PIK3R1: variants seen among roughly 807,000 people sequenced by gnomAD.
PIK3R1 encodes phosphoinositide-3-kinase regulatory subunit 1, also known as phosphatidylinositol 3-kinase regulatory subunit alpha.
In PIK3R1, 29 loss-of-function variants were observed where a neutral mutation model predicts 98.0. That is an observed-to-expected ratio of 0.30 (90% CI 0.22 to 0.40). The LOEUF (loss-of-function observed/expected upper bound fraction) is 0.40, where lower values mean the gene tolerates loss of function less well. Ranked by LOEUF, PIK3R1 falls within the 10% of genes least tolerant of loss-of-function variation. PIK3R1 has a pLI of 1.00. For missense variants in PIK3R1, 596 were observed against 872.7 expected, an observed-to-expected ratio of 0.68 and a Z score of 3.99; for synonymous variants, 282 against 311.8, an observed-to-expected ratio of 0.90 and a Z score of 1.01.
intron 2 of PIK3R1, among the ~76,000 whole-genome samples, chr5:68,251,771 T>C (rs1245306034): frequency 1.3e-5 from 2 of 152,202 alleles, no homozygotes; most frequent in African/African-American, 4.8e-5. Context: ...AATGTTTGTA[T>C]TTCCCCAAAG....
chr5:68,274,303 T>C (rs1424668599), intron 4 of PIK3R1, among the ~76,000 whole-genome samples: 1 of 152,180 alleles, frequency 6.6e-6, no homozygotes, highest in African/African-American at 2.4e-5. Flanking sequence ...CTCTTGGTGT[T>C]TCTCTCGCTC....
intron 7 of PIK3R1, among the ~76,000 whole-genome samples, chr5:68,281,411 A>T (rs989464543): frequency 2.6e-5 from 4 of 152,222 alleles, no homozygotes; most frequent in Non-Finnish European, 5.9e-5. Context: ...GGAAGTGGGT[A>T]TGCTGAGAAA....
intron 1 of PIK3R1, among the ~76,000 whole-genome samples, chr5:68,219,877 A>G (rs1744033684): frequency 6.6e-6 from 1 of 152,226 alleles, no homozygotes; most frequent in Non-Finnish European, 1.5e-5. Context: ...TTTACTAGCT[A>G]TGTAACTTTA....
intron 7 of PIK3R1, chr5:68,288,880 T>G: frequency 1.1e-6 from 1 of 906,580 alleles, no homozygotes; most frequent in Non-Finnish European, 1.8e-6. Flanking sequence ...GATGGGAGAT[T>G]AGGGGAGACA....
chr5:68,288,436 T>C (rs1464822258), intron 7 of PIK3R1: 5 of 1,259,552 alleles, frequency 4.0e-6, no homozygotes, highest in Non-Finnish European at 5.0e-6. Context: ...CGAAATCCAG[T>C]TGGCTTCTCA....
At chr5:68,225,737 C>T (rs1240026921) in intron 1 of PIK3R1, among the ~76,000 whole-genome samples, 5 of 152,318 alleles carry the variant, frequency 3.3e-5, no homozygotes, top group Middle Eastern at 3.4e-3. Context: ...ACACTGTGGG[C>T]TGAATTACTC....
intron 5 of PIK3R1, 26 bp downstream of exon 5, chr5:68,279,759 T>C (rs763408202): frequency 9.3e-6 from 15 of 1,609,708 alleles, no homozygotes; most frequent in Non-Finnish European, 1.3e-5. Flanking sequence ...TCTGGGAACC[T>C]CATTGAACAT....
At chr5:68,282,068 G>A (rs1746868086) in intron 7 of PIK3R1, among the ~76,000 whole-genome samples, 1 of 152,146 alleles carries the variant, frequency 6.6e-6, no homozygotes, top group African/African-American at 2.4e-5. Flanking sequence ...ATGTACCAAA[G>A]GTGAGAGAGA....
chr5:68,295,034 G>A, intron 12 of PIK3R1, 114 bp from the exon 13 acceptor site: 1 of 612,956 alleles, frequency 1.6e-6, no homozygotes. Flanking sequence ...AGGAAGAGAA[G>A]CCACGCTTTA....
chr5:68,249,557 G>A (rs1561270383), intron 2 of PIK3R1, among the ~76,000 whole-genome samples: 1 of 152,094 alleles, frequency 6.6e-6, no homozygotes, highest in African/African-American at 2.4e-5. Context: ...ATCATATTGG[G>A]CATTGGACTT....
chr5:68,235,262 G>T (rs1456822085), intron 2 of PIK3R1, among the ~76,000 whole-genome samples: 1 of 151,948 alleles, frequency 6.6e-6, no homozygotes, highest in African/African-American at 2.4e-5. Flanking sequence ...AATTAGCTGG[G>T]TGTGATGGTG....
At chr5:68,264,239 C>T (rs76907887) in intron 2 of PIK3R1, among the ~76,000 whole-genome samples, 1 of 152,184 alleles carries the variant, frequency 6.6e-6, no homozygotes, top group Admixed American at 6.5e-5. Context: ...GCCTGCCAGT[C>T]CAAGCTCAAG....
chr5:68,299,704 T>A lies in PIK3R1; in HGVS notation c.*2103T>A, dbSNP rs1747934231. ...CTAGGGTGAGGGTTTTCTGTTACTT[T>A]GTTTTTTAATGTTGTTCCTTTTGAA... On this transcript the variant is annotated 3_prime_UTR_variant, in exon 16 of 16. Transcript: ENST00000521381. The A allele has an allele frequency of 8.6e-6, 2 of 233,118 alleles. No homozygotes were observed. Among genetic ancestry groups the A allele is most frequent in the Admixed American group, 1.1e-4 (2 of 17,784 alleles). The allele number at this position is 233,118 out of a possible 1,614,324, so 14.4% of individuals were successfully genotyped here.
rs140618992 is a variant in PIK3R1 at position 68,218,509 on chromosome 5, G to A, written c.-387+2560G>A. Reference sequence around the variant, plus strand: ...ATTGTTCACATGATCATTAAAATAGGAACAATTCTAGTTCAGCTTTTATTG... The same window carrying A: ...ATTGTTCACATGATCATTAAAATAGAAACAATTCTAGTTCAGCTTTTATTG... On this transcript the variant is annotated intron_variant, in intron 1 of 15. Coordinates refer to ENST00000521381, the MANE Select transcript of PIK3R1 (RefSeq NM_181523.3). Among the ~76,000 whole-genome samples the A allele has an allele frequency of 6.8e-3, 1,037 of 152,200 alleles. 4 individuals carry two copies. Among genetic ancestry groups the A allele is most frequent in the Middle Eastern group, 0.014 (4 of 294 alleles).
rs1028539712 is a variant in PIK3R1, at chr5:68,296,417, G to A, written c.1985+76G>A. On this transcript the variant is annotated intron_variant, in intron 15 of 15. Transcript: ENST00000521381. ...TCATTTATTCATTCATTGAGTTTTG[G>A]GGGCAAAGATTTGACATAGTTTTAG... 3.9e-5 allele frequency: 54 copies of A among 1,375,534 alleles called. 1 individual carries two copies. The highest frequency in any genetic ancestry group is 1.5e-4 in the South Asian group (11 of 74,400). 85.2% of individuals were successfully genotyped at this position (1,375,534 alleles called of 1,614,324 possible).
intron 4 of PIK3R1, among the ~76,000 whole-genome samples, chr5:68,278,521 C>A (rs1746675482): frequency 6.6e-6 from 1 of 152,152 alleles, no homozygotes; most frequent in African/African-American, 2.4e-5. Flanking sequence ...ATATGACTAA[C>A]CATTCCTAGT....
At chr5:68,271,319 T>C (rs1746349908) in intron 2 of PIK3R1, among the ~76,000 whole-genome samples, 1 of 152,184 alleles carries the variant, frequency 6.6e-6, no homozygotes, top group Admixed American at 6.5e-5. Context: ...CTAAGATGTG[T>C]TACAGTGATG....
chr5:68,230,909 C>G (rs1472377789), intron 2 of PIK3R1, among the ~76,000 whole-genome samples: 1 of 152,018 alleles, frequency 6.6e-6, no homozygotes, highest in African/African-American at 2.4e-5. Flanking sequence ...GCTGGGTGTG[C>G]AAGGTGGGTG....
intron 2 of PIK3R1, among the ~76,000 whole-genome samples, chr5:68,258,516 C>A (rs367869403): frequency 3.3e-5 from 5 of 152,054 alleles, no homozygotes; most frequent in South Asian, 4.1e-4. Context: ...TGTTAATGAC[C>A]ACTAACTTTG....
Sources: gnomAD v4.1 joint callset for allele counts (sites outside exome capture counted in the v4.1 genomes callset) on GRCh38, gnomAD v4.1.1 for gene constraint, MANE v1.5 for transcripts, NCBI Gene and HGNC (gene_info 2026-07-23, HGNC 2026-07-21) for gene names.